AK3: variants seen among roughly 807,000 people sequenced by gnomAD.
AK3 encodes adenylate kinase 3.
AK3 carries 27 observed loss-of-function variants against 23.7 expected under a neutral mutation model. That is an observed-to-expected ratio of 1.14 (90% confidence interval 0.84 to 1.57). The LOEUF is 1.57. Ranked by LOEUF, AK3 falls within the 40% of genes most tolerant of loss-of-function variation. The pLI, the probability that AK3 is intolerant of heterozygous loss-of-function variation, is 0.00. For missense variants in AK3, 406 were observed against 285.6 expected (o/e 1.42, Z -3.04); for synonymous variants, 159 against 116.0 (o/e 1.37, Z -2.38).
At chr9:4,721,919 G>A (rs763268057) in intron 2 of AK3, among the ~76,000 whole-genome samples, 34 of 151,706 alleles carry the variant, frequency 2.2e-4, no homozygotes, top group Non-Finnish European at 4.4e-4. Flanking sequence ...GCAGGGCTTG[G>A]CAAGGGCAAC....
intron 1 of AK3, among the ~76,000 whole-genome samples, chr9:4,734,860 G>A (rs1842233476): frequency 6.6e-6 from 1 of 152,150 alleles, no homozygotes. Flanking sequence ...GTGTGGATGA[G>A]CCTTGAAAAC....
At position 4,736,315 on chromosome 9, in the gene AK3, G is replaced by T. The variant is rs902417116; in HGVS notation, c.151+4622C>A. On this transcript the variant is annotated intron_variant, in intron 1 of 4. Transcript: ENST00000381809. ...TTAAAGGTATAAAACAGTATATACAGCATGCTATAATCTGTGTTTTAAAAA... is the reference window on the plus strand; with the variant it reads ...TTAAAGGTATAAAACAGTATATACATCATGCTATAATCTGTGTTTTAAAAA... 5.3e-5 allele frequency among the ~76,000 whole-genome samples: 8 copies of T among 152,078 alleles called. No homozygotes were observed. In the South Asian group the frequency reaches 1.5e-3, roughly 28 times the overall value.
Position 4,740,991 on chromosome 9 carries a change from G to C in AK3, c.97C>G (p.Leu33Val). ...VSSRITTHFE[L>V]KHLSSGDLLR... is the part of the protein sequence containing the mutation. ...AGGTCCCCGCTGGAGAGGTGCTTCAGCTCGAAGTGTGTAGTGATGCGCGAC... is the reference window on the plus strand; with the variant it reads ...AGGTCCCCGCTGGAGAGGTGCTTCACCTCGAAGTGTGTAGTGATGCGCGAC... The change falls in exon 1 of 5, where the codon CTG becomes GTG. Residue 33 changes from leucine to valine, a missense_variant. Physicochemically the swap from Leu to Val is conservative, Grantham distance 32. Transcript: ENST00000381809. 1 of 1,594,242 alleles carries C rather than the reference G, an allele frequency of 6.3e-7. No individual in the cohort carries two copies. Among genetic ancestry groups the C allele is most frequent in the Admixed American group, 1.7e-5 (1 of 58,078 alleles).
intron 1 of AK3, among the ~76,000 whole-genome samples, chr9:4,734,650 A>G (rs1842228485): frequency 6.6e-6 from 1 of 152,252 alleles, no homozygotes. Flanking sequence ...TCTTTGAGAC[A>G]GTATTCATGA....
intron 4 of AK3, among the ~76,000 whole-genome samples, chr9:4,717,891 C>T (rs1841779553): frequency 6.6e-6 from 1 of 152,192 alleles, no homozygotes; most frequent in Non-Finnish European, 1.5e-5. Context: ...CTGCACATAG[C>T]AGAGTATGGA....
rs1320522832 is a variant in AK3 at position 4,711,614 on chromosome 9, A to C, written c.*1362T>G. 2.0e-5 allele frequency: 3 copies of C among 152,336 alleles called. No homozygotes were observed. Among genetic ancestry groups the C allele is most frequent in the Non-Finnish European group, 4.4e-5 (3 of 68,044 alleles). 9.4% of individuals were successfully genotyped at this position (152,336 alleles called of 1,614,324 possible). The stretch of plus-strand genomic sequence containing the variant: ...TTTTTAAAGGCAATAACGACTTGTA[A>C]GACGGCTTGTTTCATTTGATTTGGC... On this transcript the variant is annotated 3_prime_UTR_variant, in exon 5 of 5. Transcript: ENST00000381809.
At chr9:4,741,377 G>C (rs757849551), upstream of AK3, 2 of 302,494 alleles carry the variant, frequency 6.6e-6, no homozygotes, top group Non-Finnish European at 1.2e-5. Flanking sequence ...CTCTGCGCTC[G>C]CTCGGCCGCC....
chr9:4,717,863 T>C (rs764059401), intron 4 of AK3, among the ~76,000 whole-genome samples: 10 of 152,212 alleles, frequency 6.6e-5, no homozygotes, highest in South Asian at 4.1e-4. Flanking sequence ...TGTAATTTCA[T>C]TGTAAATTGC....
rs745492011 is a variant in AK3 at position 4,722,529 on chromosome 9, G to A, written c.248C>T (p.Thr83Ile). The change falls in exon 2 of 5, where the codon ACC becomes ATC. Residue 83 changes from threonine to isoleucine, a missense_variant. Coordinates refer to ENST00000381809, the MANE Select transcript of AK3 (RefSeq NM_016282.4). ...ACCATCCAACAGCCAGCTATACTGG[G>A]TGAGATTTTTCAGCTCATGAAGGGC... ...RLALHELKNL[T>I]QYSWLLDGFP... 3 of 1,614,170 alleles carry A rather than the reference G, an allele frequency of 1.9e-6. No individual in the cohort carries two copies. Among genetic ancestry groups the A allele is most frequent in the Non-Finnish European group, 2.5e-6 (3 of 1,180,024 alleles).
At chr9:4,731,135 T>C (rs1842143443) in intron 1 of AK3, among the ~76,000 whole-genome samples, 1 of 152,238 alleles carries the variant, frequency 6.6e-6, no homozygotes, top group Non-Finnish European at 1.5e-5. Context: ...ATTTCTATTA[T>C]AATTTCAGGG....
intron 1 of AK3, among the ~76,000 whole-genome samples, chr9:4,728,023 C>T (rs936329505): frequency 5.3e-5 from 8 of 152,136 alleles, no homozygotes; most frequent in Admixed American, 1.3e-4. Flanking sequence ...GGGTATAGTT[C>T]ATGGCACCCC....
At chr9:4,736,379 G>A (rs531142510) in intron 1 of AK3, among the ~76,000 whole-genome samples, 1 of 149,020 alleles carries the variant, frequency 6.7e-6, no homozygotes, top group African/African-American at 2.5e-5. Flanking sequence ...ACATTTGATT[G>A]TATAAGCATA....
At chr9:4,725,272 C>T (rs1434984264) in intron 1 of AK3, among the ~76,000 whole-genome samples, 4 of 151,750 alleles carry the variant, frequency 2.6e-5, no homozygotes, top group Admixed American at 6.6e-5. Context: ...CCGCCTCGGC[C>T]TCCCAAAGTG....
intron 1 of AK3, among the ~76,000 whole-genome samples, chr9:4,740,060 C>A (rs74445755): frequency 0.32 from 36,554 of 112,500 alleles, 5,721 homozygotes; most frequent in Non-Finnish European, 0.41. Context: ...GCTATCCTTA[C>A]AAAAAAAAAA....
At chr9:4,726,936 C>T (rs1190029918) in intron 1 of AK3, among the ~76,000 whole-genome samples, 2 of 152,048 alleles carry the variant, frequency 1.3e-5, no homozygotes, top group East Asian at 3.8e-4. Context: ...ATGAAAACAA[C>T]ATGAATTTCC....
At chr9:4,740,060 CAAAAAAAA>C (rs1166971578) in intron 1 of AK3, among the ~76,000 whole-genome samples, 1 of 113,372 alleles carries the variant, frequency 8.8e-6, no homozygotes, top group South Asian at 2.6e-4. Flanking sequence ...GCTATCCTTA[CAAAAAAAA>C]AAAAAAAAAG....
In AK3 at chr9:4,741,044, GC is replaced by G; in HGVS notation, c.43del (p.Ala15ProfsTer19). Reference protein sequence around the residue: ...ARLLRAVIMGAPGSGKGTVSS... With the variant: ...ARLLRAVIMGXPGSGKGTVSS... ...CACGGTGCCCTTGCCCGAGCCCGGG[GC>G]CCCCATGATCACCGCTCGCAGCAGC... is the stretch of plus-strand genomic sequence containing the variant. On this transcript the variant is annotated frameshift_variant, in exon 1 of 5. Transcript: ENST00000381809. LOFTEE classifies it high-confidence loss of function. 2 of 1,573,982 alleles carry G rather than the reference GC, an allele frequency of 1.3e-6. No individual in the cohort carries two copies. Among genetic ancestry groups the G allele is most frequent in the Non-Finnish European group, 1.7e-6 (2 of 1,162,612 alleles).
chr9:4,728,898 CATACTT>C (rs1357563948), intron 1 of AK3, among the ~76,000 whole-genome samples: 3 of 135,784 alleles, frequency 2.2e-5, no homozygotes, highest in African/African-American at 8.3e-5. Flanking sequence ...TATATATACA[CATACTT>C]ATATATATAC....
chr9:4,722,393 C>A, intron 2 of AK3, 113 bp downstream of exon 2: 1 of 1,471,596 alleles, frequency 6.8e-7, no homozygotes, highest in Non-Finnish European at 9.2e-7. Flanking sequence ...GTCCCAAGCA[C>A]CCCTCTCCCC....
Sources: allele counts gnomAD v4.1 joint callset (sites outside exome capture counted in the v4.1 genomes callset), GRCh38; gene constraint gnomAD v4.1.1; transcripts MANE v1.5; gene names NCBI Gene and HGNC (gene_info 2026-07-23, HGNC 2026-07-21).